Variants in EPB41L3 observed in about 807,000 individuals in gnomAD.
EPB41L3 encodes band 4.1-like protein 3.
A neutral mutation model predicts 127.1 loss-of-function variants in EPB41L3; 57 were observed. That is an observed-to-expected ratio of 0.45 (90% CI 0.36 to 0.56). The LOEUF is 0.56. EPB41L3 is among the 20% of genes least tolerant of loss of function. The pLI is 0.00. For synonymous variants in EPB41L3, 572 were observed against 549.5 expected (o/e 1.04, Z -0.57); for missense variants, 1,273 against 1,372.2 (o/e 0.93, Z 1.14).
chr18:5,595,917 T>A (rs1271808088), intron 3 of EPB41L3, among the ~76,000 whole-genome samples: 3 of 152,190 alleles, frequency 2.0e-5, no homozygotes, highest in Admixed American at 2.0e-4. Flanking sequence ...GTGGCTCCCA[T>A]CTTCCACTCC....
chr18:5,394,957 G>A (rs1424445079), intron 21 of EPB41L3, 110 bp downstream of exon 21: 4 of 1,280,160 alleles, frequency 3.1e-6, no homozygotes, highest in South Asian at 1.2e-5. Context: ...AGTTAATTCG[G>A]AATTTTCTTC....
Position 5,522,117 on chromosome 18 carries a change from T to TA in EPB41L3, c.-12+21795_-12+21796insT, listed in dbSNP as rs201294634. ...TTATTTATTTATTTATTTATTTATT[T>TA]TTTAGAGCTGGAGTCTCACTCTGTT... On this transcript the variant is annotated intron_variant, in intron 1 of 22. Coordinates refer to ENST00000341928, the MANE Select transcript of EPB41L3 (RefSeq NM_012307.5). Among the ~76,000 whole-genome samples, 7 of 152,196 alleles carry TA rather than the reference T, an allele frequency of 4.6e-5. 1 individual carries two copies. The East Asian group carries it at 1.2e-3, about 25-fold the overall frequency.
intron 1 of EPB41L3, among the ~76,000 whole-genome samples, chr18:5,536,037 A>G (rs887362385): frequency 6.6e-6 from 1 of 152,144 alleles, no homozygotes; most frequent in African/African-American, 2.4e-5. Context: ...CCCTCGAGGC[A>G]TGCCAAGAGG....
At position 5,395,743 on chromosome 18, in the gene EPB41L3, GCTCACATC is replaced by G. The variant is rs769447084; in HGVS notation, c.2974-44_2974-37del. 2.7e-6 allele frequency: 4 copies of G among 1,505,610 alleles called. No homozygotes were observed. The Admixed American group carries it at 6.9e-5, about 26-fold the overall frequency. 93.3% of individuals were successfully genotyped at this position (1,505,610 alleles called of 1,614,324 possible). ...AGAGGCATAGACCCCTCATCCAGGTGCTCACATCTGCTCTTCAGAAGTTGGCTACGTTA... is the reference window on the plus strand; with the variant it reads ...AGAGGCATAGACCCCTCATCCAGGTGTGCTCTTCAGAAGTTGGCTACGTTA... On this transcript the variant is annotated intron_variant, in intron 19 of 22. Transcript: ENST00000341928.
chr18:5,477,138 C>G (rs994479101), intron 3 of EPB41L3, among the ~76,000 whole-genome samples: 2 of 152,140 alleles, frequency 1.3e-5, no homozygotes, highest in Non-Finnish European at 2.9e-5. Flanking sequence ...AAGAAAAACA[C>G]TGGGTGCATG....
At chr18:5,487,535 A>C (rs374063048) in intron 2 of EPB41L3, among the ~76,000 whole-genome samples, 1 of 150,204 alleles carries the variant, frequency 6.7e-6, no homozygotes, top group South Asian at 2.1e-4. Context: ...TCTGTCGCCC[A>C]GTCTGGAGGG....
intron 3 of EPB41L3, among the ~76,000 whole-genome samples, chr18:5,457,450 G>A (rs891461399): frequency 1.3e-5 from 2 of 151,822 alleles, no homozygotes; most frequent in African/African-American, 4.8e-5. Flanking sequence ...AAGTGATCTC[G>A]GATGGCACAG....
intron 3 of EPB41L3, among the ~76,000 whole-genome samples, chr18:5,606,803 A>G (rs1409785198): frequency 6.6e-6 from 1 of 152,110 alleles, no homozygotes; most frequent in Non-Finnish European, 1.5e-5. Flanking sequence ...GCTGTGTACC[A>G]GAAACCATTA....
At chr18:5,403,207 G>C (rs9956582) in intron 16 of EPB41L3, among the ~76,000 whole-genome samples, 2,081 of 152,234 alleles carry the variant, frequency 0.014, 52 homozygotes, top group African/African-American at 0.048. Context: ...TCCTATGTTT[G>C]GTGGGCCCTG....
chr18:5,595,950 C>T (rs1409241100), intron 3 of EPB41L3, among the ~76,000 whole-genome samples: 3 of 152,130 alleles, frequency 2.0e-5, no homozygotes. Flanking sequence ...TCTGGGGAAT[C>T]TTTATAACCG....
intron 1 of EPB41L3, among the ~76,000 whole-genome samples, chr18:5,530,116 C>T (rs904840754): frequency 2.0e-5 from 3 of 152,130 alleles, no homozygotes; most frequent in African/African-American, 7.2e-5. Context: ...AGATCATCCT[C>T]AATTCTTCCC....
chr18:5,502,882 C>T (rs2091860791), intron 1 of EPB41L3, among the ~76,000 whole-genome samples: 2 of 152,170 alleles, frequency 1.3e-5, no homozygotes, highest in Non-Finnish European at 2.9e-5. Flanking sequence ...AAGAGGTGAG[C>T]CACCATCAGA....
chr18:5,580,187 T>C (rs1034623761), intron 3 of EPB41L3, among the ~76,000 whole-genome samples: 1 of 152,174 alleles, frequency 6.6e-6, no homozygotes, highest in African/African-American at 2.4e-5. Context: ...TGTATACATA[T>C]ACTCTCATGT....
intron 3 of EPB41L3, among the ~76,000 whole-genome samples, chr18:5,598,993 C>CCAAA (rs1205574840): frequency 5.3e-5 from 8 of 152,168 alleles, no homozygotes; most frequent in African/African-American, 1.9e-4. Context: ...AAGAAGAGTT[C>CCAAA]ATGCCATGAG....
intron 16 of EPB41L3, among the ~76,000 whole-genome samples, 186 bp downstream of exon 16, chr18:5,406,591 C>T (rs1480041793): frequency 6.6e-6 from 1 of 152,204 alleles, no homozygotes; most frequent in Non-Finnish European, 1.5e-5. Context: ...ATTACTCACT[C>T]CTCAGCCACT....
At chr18:5,409,491 G>A (rs2075921569) in intron 14 of EPB41L3, among the ~76,000 whole-genome samples, 2 of 152,018 alleles carry the variant, frequency 1.3e-5, no homozygotes, top group South Asian at 2.1e-4. Flanking sequence ...AAAAGAATCT[G>A]CATAATAGTT....
At chr18:5,472,137 A>T (rs1388550957) in intron 3 of EPB41L3, among the ~76,000 whole-genome samples, 2 of 152,202 alleles carry the variant, frequency 1.3e-5, no homozygotes, top group African/African-American at 4.8e-5. Context: ...TTACTTTTTA[A>T]AAATGAAAAC....
At chr18:5,470,583 C>G (rs2085937532) in intron 3 of EPB41L3, among the ~76,000 whole-genome samples, 1 of 152,166 alleles carries the variant, frequency 6.6e-6, no homozygotes, top group Admixed American at 6.5e-5. Context: ...TTAATGAAGA[C>G]CAAATGAGGC....
intron 3 of EPB41L3, among the ~76,000 whole-genome samples, chr18:5,449,190 T>C (rs147309306): frequency 1.6e-3 from 245 of 151,940 alleles, no homozygotes; most frequent in Non-Finnish European, 3.2e-3. Flanking sequence ...AACTTACACC[T>C]TACCAAAGAT....
Sources: gnomAD v4.1 joint callset for allele counts (sites outside exome capture counted in the v4.1 genomes callset) on GRCh38, gnomAD v4.1.1 for gene constraint, MANE v1.5 for transcripts, NCBI Gene and HGNC (gene_info 2026-07-23, HGNC 2026-07-21) for gene names.